The following GPC6 variants were observed in gnomAD, a reference collection of about 807,000 sequenced individuals.
GPC6 encodes the protein glypican 6.
In GPC6, 14 loss-of-function variants were observed where a neutral mutation model predicts 55.2. The observed-to-expected ratio is 0.25, with a 90% CI of 0.17 to 0.40. The LOEUF (loss-of-function observed/expected upper bound fraction) is 0.40. Among genes scored for constraint, GPC6 ranks in the 10% least tolerant of loss-of-function variants. GPC6 has a pLI of 1.00. For synonymous variants in GPC6, 278 were observed against 259.6 expected (o/e 1.07, Z -0.68); for missense variants, 641 against 708.5 (o/e 0.90, Z 1.08).
At chr13:94,367,610 A>G (rs370660424) in intron 6 of GPC6, among the ~76,000 whole-genome samples, 1 of 152,110 alleles carries the variant, frequency 6.6e-6, no homozygotes, top group Admixed American at 6.5e-5. Flanking sequence ...GACCCCATCT[A>G]TCTTTTCAGG....
chr13:93,865,608 G>A (rs1006874440), intron 3 of GPC6, among the ~76,000 whole-genome samples: 1 of 151,812 alleles, frequency 6.6e-6, no homozygotes, highest in South Asian at 2.1e-4. Context: ...TCCTTATTAT[G>A]CAGCCAGCTT....
intron 3 of GPC6, among the ~76,000 whole-genome samples, chr13:93,833,115 G>T (rs1247549256): frequency 1.3e-3 from 69 of 52,238 alleles, no homozygotes; most frequent in African/African-American, 0.011. Context: ...GATAGAGAGA[G>T]AGAGAGAGAG....
At chr13:93,692,948 G>T (rs956748983) in intron 2 of GPC6, among the ~76,000 whole-genome samples, 1 of 151,988 alleles carries the variant, frequency 6.6e-6, no homozygotes, top group African/African-American at 2.4e-5. Context: ...ATTTGTGTGG[G>T]TCAAATACTT....
chr13:93,632,918 C>T (rs1879521724), intron 2 of GPC6, among the ~76,000 whole-genome samples: 1 of 151,972 alleles, frequency 6.6e-6, no homozygotes, highest in Non-Finnish European at 1.5e-5. Context: ...GAGTTTAGAT[C>T]AGTCAGAAAA....
chr13:93,889,521 C>G (rs1391414435), intron 3 of GPC6, among the ~76,000 whole-genome samples: 2 of 152,026 alleles, frequency 1.3e-5, no homozygotes, highest in Non-Finnish European at 2.9e-5. Context: ...AGAAAAAACC[C>G]TTTTTAATAG....
intron 6 of GPC6, among the ~76,000 whole-genome samples, chr13:94,377,226 A>C (rs2139201048): frequency 6.6e-6 from 1 of 151,170 alleles, no homozygotes; most frequent in African/African-American, 2.4e-5. Flanking sequence ...GCTTCTGCAC[A>C]GCAAAAGAAA....
intron 1 of GPC6, among the ~76,000 whole-genome samples, chr13:93,456,306 A>G (rs1003346286): frequency 6.6e-6 from 1 of 152,192 alleles, no homozygotes; most frequent in Non-Finnish European, 1.5e-5. Context: ...CGTTTTCTTT[A>G]TTTAAGTTGT....
chr13:93,410,926 A>G (rs925486494), intron 1 of GPC6, among the ~76,000 whole-genome samples: 9 of 152,288 alleles, frequency 5.9e-5, no homozygotes, highest in African/African-American at 2.2e-4. Flanking sequence ...AAATTCAGCT[A>G]TGGAAATTTT....
chr13:93,573,096 G>T (rs1228477829), intron 2 of GPC6, among the ~76,000 whole-genome samples: 1 of 151,992 alleles, frequency 6.6e-6, no homozygotes, highest in East Asian at 1.9e-4. Flanking sequence ...AGTGCATATT[G>T]TATGCCATAC....
rs150900185 is a variant in GPC6, at chr13:93,433,168, G to A, written c.161-112095G>A. 3.6e-4 allele frequency among the ~76,000 whole-genome samples: 55 copies of A among 152,272 alleles called. 1 individual carries two copies. In the East Asian group the frequency reaches 8.3e-3, roughly 23 times the overall value. ...TCAGGTAATTTTTGAGTGGTGAAGA[G>A]CATATTTGAAATTGTGATGCACCCT... On this transcript the variant is annotated intron_variant, in intron 1 of 8. Transcript: ENST00000377047.
At chr13:94,083,115 G>A (rs1478117645) in intron 4 of GPC6, among the ~76,000 whole-genome samples, 1 of 151,960 alleles carries the variant, frequency 6.6e-6, no homozygotes, top group African/African-American at 2.4e-5. Context: ...AGGTTTTTTT[G>A]TTTTCTTTTG....
chr13:93,479,410 T>C (rs76893883), intron 1 of GPC6, among the ~76,000 whole-genome samples: 3 of 152,214 alleles, frequency 2.0e-5, no homozygotes, highest in Admixed American at 6.5e-5. Context: ...AAAAGCAGGA[T>C]TGTATGTAGC....
At chr13:94,177,308 A>T (rs1423793389) in intron 4 of GPC6, among the ~76,000 whole-genome samples, 2 of 152,210 alleles carry the variant, frequency 1.3e-5, no homozygotes, top group Non-Finnish European at 2.9e-5. Flanking sequence ...CAGGATATCA[A>T]CATTTAAAAA....
At chr13:93,571,939 A>G (rs1429831358) in intron 2 of GPC6, among the ~76,000 whole-genome samples, 1 of 151,714 alleles carries the variant, frequency 6.6e-6, no homozygotes, top group South Asian at 2.1e-4. Flanking sequence ...ATGATTTCAT[A>G]TTTTAAAAGA....
chr13:93,347,989 G>A (rs972588002), intron 1 of GPC6, among the ~76,000 whole-genome samples: 3 of 152,174 alleles, frequency 2.0e-5, no homozygotes, highest in African/African-American at 7.2e-5. Context: ...AAGATCCTGA[G>A]ATGTCCTACA....
chr13:93,888,284 A>G (rs569575790), intron 3 of GPC6, among the ~76,000 whole-genome samples: 1 of 152,236 alleles, frequency 6.6e-6, no homozygotes, highest in East Asian at 1.9e-4. Context: ...AGTTTGTTTT[A>G]TGTTACATGG....
chr13:93,990,712 T>A (rs1277557110), intron 3 of GPC6, among the ~76,000 whole-genome samples: 13 of 151,466 alleles, frequency 8.6e-5, no homozygotes, highest in Admixed American at 7.3e-4. Flanking sequence ...TTTTTTTTTT[T>A]TAATTAGCCA....
intron 1 of GPC6, among the ~76,000 whole-genome samples, chr13:93,543,067 T>G (rs1246455678): frequency 1.3e-5 from 2 of 152,152 alleles, no homozygotes; most frequent in African/African-American, 4.8e-5. Flanking sequence ...CTATGTTGAA[T>G]AGGAGTGTGA....
chr13:93,597,020 AAAAAAAAAAAG>A (rs1411551258), intron 2 of GPC6, among the ~76,000 whole-genome samples: 93 of 149,934 alleles, frequency 6.2e-4, no homozygotes, highest in African/African-American at 2.2e-3. Context: ...AAAAAAAAAA[AAAAAAAAAAAG>A]AAAAGAAAAG....
Sources: allele counts gnomAD v4.1 joint callset (sites outside exome capture counted in the v4.1 genomes callset), GRCh38; gene constraint gnomAD v4.1.1; transcripts MANE v1.5; gene names NCBI Gene and HGNC (gene_info 2026-07-23, HGNC 2026-07-21).